SUSD6: variants seen among roughly 807,000 people sequenced by gnomAD.
The protein encoded by SUSD6 is sushi domain containing 6.
Under a neutral mutation model 28.4 loss-of-function variants are expected in SUSD6, and 16 were observed. That is an observed-to-expected ratio of 0.56 (90% CI 0.38 to 0.86). SUSD6 has a LOEUF of 0.86. Ranked by LOEUF, SUSD6 falls within the 40% of genes least tolerant of loss-of-function variation. SUSD6 has a pLI of 0.00. For synonymous variants in SUSD6, 147 were observed against 159.6 expected, an observed-to-expected ratio of 0.92 and a Z score of 0.59; for missense variants, 341 against 384.2, an observed-to-expected ratio of 0.89 and a Z score of 0.94.
intron 2 of SUSD6, among the ~76,000 whole-genome samples, chr14:69,666,672 A>G (rs1027234011): frequency 6.6e-6 from 1 of 152,036 alleles, no homozygotes; most frequent in African/African-American, 2.4e-5. Context: ...CTGGTGATGG[A>G]GATTTTTTTC....
intron 2 of SUSD6, among the ~76,000 whole-genome samples, chr14:69,701,925 G>T (rs995448015): frequency 1.3e-5 from 2 of 152,098 alleles, no homozygotes; most frequent in Non-Finnish European, 2.9e-5. Context: ...TTTTCCATTT[G>T]GTGTCCACTC....
At chr14:69,693,132 A>G (rs1483956070) in intron 2 of SUSD6, among the ~76,000 whole-genome samples, 3 of 152,232 alleles carry the variant, frequency 2.0e-5, no homozygotes, top group Non-Finnish European at 4.4e-5. Flanking sequence ...GGTAGGAGAC[A>G]GCTGTGGGCT....
At chr14:69,681,795 C>G (rs1886000591) in intron 2 of SUSD6, among the ~76,000 whole-genome samples, 1 of 152,128 alleles carries the variant, frequency 6.6e-6, no homozygotes, top group Non-Finnish European at 1.5e-5. Context: ...GCCTTTTAGT[C>G]TGTTGCAAAC....
At chr14:69,701,566 A>T (rs544593237) in intron 2 of SUSD6, among the ~76,000 whole-genome samples, 2 of 152,314 alleles carry the variant, frequency 1.3e-5, no homozygotes, top group East Asian at 3.9e-4. Context: ...TTTCTTTGGA[A>T]ATCTAGCTGG....
chr14:69,711,686 A>G lies in SUSD6; in HGVS notation c.*707A>G, dbSNP rs539185373. 3.9e-5 allele frequency: 6 copies of G among 152,438 alleles called. No homozygotes were observed. Among genetic ancestry groups the G allele is most frequent in the African/African-American group, 1.4e-4 (6 of 41,600 alleles). 9.4% of individuals were successfully genotyped at this position (152,438 alleles called of 1,614,324 possible). On this transcript the variant is annotated 3_prime_UTR_variant, in exon 6 of 6. Coordinates refer to ENST00000342745, the MANE Select transcript of SUSD6 (RefSeq NM_014734.4). ...GGACCCAGCCATCTGGCCCAAAGGC[A>G]CAAGCTCCTGGCCCTGTTGAGTTGA...
intron 2 of SUSD6, among the ~76,000 whole-genome samples, chr14:69,679,104 T>C (rs1885960627): frequency 6.6e-6 from 1 of 152,256 alleles, no homozygotes; most frequent in Admixed American, 6.5e-5. Context: ...GGAATCTCCT[T>C]AAGGCTTTAA....
At chr14:69,614,070 A>C (rs927462583) in intron 1 of SUSD6, among the ~76,000 whole-genome samples, 8 of 151,822 alleles carry the variant, frequency 5.3e-5, no homozygotes, top group African/African-American at 1.7e-4. Context: ...GTTCTTTTTT[A>C]TTTTTTATTT....
At chr14:69,625,754 A>G (rs188521483) in intron 1 of SUSD6, among the ~76,000 whole-genome samples, 1 of 152,002 alleles carries the variant, frequency 6.6e-6, no homozygotes, top group African/African-American at 2.4e-5. Context: ...TATGTGGCAC[A>G]CTCTTTACCA....
At chr14:69,623,900 ATAAT>A (rs549672940) in intron 1 of SUSD6, among the ~76,000 whole-genome samples, 1 of 152,254 alleles carries the variant, frequency 6.6e-6, no homozygotes, top group Non-Finnish European at 1.5e-5. Context: ...AAAGTTTAAA[ATAAT>A]TAAAAAGTTT....
chr14:69,708,530 G>T, intron 4 of SUSD6, 147 bp from the exon 5 acceptor site: 1 of 594,876 alleles, frequency 1.7e-6, no homozygotes, highest in African/African-American at 1.9e-5. Flanking sequence ...TGAGAATCCA[G>T]CATGATAAGG....
intron 2 of SUSD6, among the ~76,000 whole-genome samples, chr14:69,680,577 TA>T (rs1566602355): frequency 2.6e-5 from 4 of 152,034 alleles, no homozygotes; most frequent in African/African-American, 9.7e-5. Context: ...AGACTTATGG[TA>T]AGGTCCATTC....
In SUSD6 at chr14:69,713,713, G is replaced by T. The variant is rs1205847368; in HGVS notation, c.*2734G>T. 1 of 152,228 alleles carries T rather than the reference G, an allele frequency of 6.6e-6. No homozygotes were observed. The highest frequency in any genetic ancestry group is 6.5e-5 in the Admixed American group (1 of 15,278). The allele number at this position is 152,228 out of a possible 1,614,324, so 9.4% of individuals were successfully genotyped here. ...AAACAGGTGGAAGAAACCGGCCACAGCCCTGCTTTACCGGGCTCACCTCTA... is the reference window on the plus strand; with the variant it reads ...AAACAGGTGGAAGAAACCGGCCACATCCCTGCTTTACCGGGCTCACCTCTA... On this transcript the variant is annotated 3_prime_UTR_variant, in exon 6 of 6. Coordinates refer to ENST00000342745, the MANE Select transcript of SUSD6 (RefSeq NM_014734.4).
chr14:69,644,375 G>C (rs1885396279), intron 1 of SUSD6, among the ~76,000 whole-genome samples: 1 of 152,016 alleles, frequency 6.6e-6, no homozygotes, highest in Non-Finnish European at 1.5e-5. Flanking sequence ...ATTATGGCTG[G>C]GCACGGTGGC....
chr14:69,684,003 T>C (rs1186752550), intron 2 of SUSD6, among the ~76,000 whole-genome samples: 1 of 152,232 alleles, frequency 6.6e-6, no homozygotes, highest in Non-Finnish European at 1.5e-5. Flanking sequence ...GCACAGCAGT[T>C]GGAGCCATCA....
chr14:69,675,588 C>T (rs1330270010), intron 2 of SUSD6, among the ~76,000 whole-genome samples: 2 of 151,956 alleles, frequency 1.3e-5, no homozygotes, highest in African/African-American at 4.8e-5. Context: ...ATATGAACCA[C>T]CACTTGATGT....
At chr14:69,634,523 C>T (rs1311562862) in intron 1 of SUSD6, among the ~76,000 whole-genome samples, 1 of 152,168 alleles carries the variant, frequency 6.6e-6, no homozygotes, top group Non-Finnish European at 1.5e-5. Context: ...CCCTCCATCT[C>T]CCTTTCATTT....
chr14:69,629,237 A>AG (rs566731578), intron 1 of SUSD6, among the ~76,000 whole-genome samples: 40 of 151,726 alleles, frequency 2.6e-4, no homozygotes, highest in African/African-American at 7.0e-4. Context: ...GGTCCCTTGG[A>AG]GGGGGTGTAA....
chr14:69,694,060 C>G (rs946492792), intron 2 of SUSD6, among the ~76,000 whole-genome samples: 9 of 150,376 alleles, frequency 6.0e-5, no homozygotes, highest in African/African-American at 2.0e-4. Context: ...TAAGCATCTA[C>G]TATCTCCTGG....
At chr14:69,680,923 T>C (rs1885988749) in intron 2 of SUSD6, among the ~76,000 whole-genome samples, 1 of 152,234 alleles carries the variant, frequency 6.6e-6, no homozygotes, top group Non-Finnish European at 1.5e-5. Context: ...GTTGCACTTG[T>C]AGCTTTGTTT....
Sources: allele counts gnomAD v4.1 joint callset (sites outside exome capture counted in the v4.1 genomes callset), GRCh38; gene constraint gnomAD v4.1.1; transcripts MANE v1.5; gene names NCBI Gene and HGNC (gene_info 2026-07-23, HGNC 2026-07-21).